The following MGAT4C variants were observed in gnomAD, a reference collection of about 807,000 sequenced individuals.
The protein encoded by MGAT4C is alpha-1,3-mannosyl-glycoprotein 4-beta-N-acetylglucosaminyltransferase C.
MGAT4C carries 19 observed loss-of-function variants against 40.1 expected under a neutral mutation model. The ratio of observed to expected loss-of-function variants is 0.47; its 90% confidence interval spans 0.33 to 0.70. MGAT4C has a LOEUF of 0.70. Among genes scored for constraint, MGAT4C ranks in the 30% least tolerant of loss-of-function variants. MGAT4C has a pLI of 0.02. For synonymous variants in MGAT4C, 181 were observed against 187.1 expected (o/e 0.97, Z 0.27); for missense variants, 491 against 563.2 (o/e 0.87, Z 1.30).
chr12:86,322,564 G>A (rs922169831), intron 4 of MGAT4C, among the ~76,000 whole-genome samples: 3 of 151,874 alleles, frequency 2.0e-5, no homozygotes, highest in Non-Finnish European at 4.4e-5. Flanking sequence ...AGAAAAAAAT[G>A]AATTTAGAGG....
intron 1 of MGAT4C, among the ~76,000 whole-genome samples, chr12:86,103,876 T>A (rs979789122): frequency 3.3e-5 from 5 of 152,166 alleles, no homozygotes; most frequent in Non-Finnish European, 5.9e-5. Context: ...TAGAAGTTAG[T>A]TATGCCAGCC....
chr12:86,209,704 T>C (rs1950385756), intron 1 of MGAT4C, among the ~76,000 whole-genome samples: 2 of 152,248 alleles, frequency 1.3e-5, no homozygotes, highest in Middle Eastern at 3.4e-3. Flanking sequence ...GGCCTAGTCA[T>C]TAAAGAGGAA....
chr12:86,756,568 A>G (rs1951307364), intron 1 of MGAT4C, among the ~76,000 whole-genome samples: 2 of 152,130 alleles, frequency 1.3e-5, no homozygotes, highest in Admixed American at 1.3e-4. Context: ...CCACTCTATC[A>G]AGTATAAACT....
At chr12:86,211,212 G>A (rs1473048968) in intron 1 of MGAT4C, among the ~76,000 whole-genome samples, 2 of 146,320 alleles carry the variant, frequency 1.4e-5, no homozygotes, top group Admixed American at 6.7e-5. Context: ...GCACATATTG[G>A]AATATATGCA....
chr12:86,630,922 A>G (rs1330837911), intron 2 of MGAT4C, among the ~76,000 whole-genome samples: 3 of 152,162 alleles, frequency 2.0e-5, no homozygotes, highest in African/African-American at 7.2e-5. Flanking sequence ...GGCAAGAGAA[A>G]GAAATAAAGC....
rs140588091 is a variant in MGAT4C at position 86,367,723 on chromosome 12, C to A, written c.-119-33596G>T. Among the ~76,000 whole-genome samples, 728 of 152,242 alleles carry A rather than the reference C, an allele frequency of 4.8e-3. 8 individuals are homozygous for A. Among genetic ancestry groups the A allele is most frequent in the African/African-American group, 0.016 (682 of 41,556 alleles). On this transcript the variant is annotated intron_variant, in intron 3 of 7. Transcript: ENST00000548651. Reference sequence around the variant, plus strand: ...CTGAGGCAGGAGAATGGCGTGAATCCTGGAGGCAGAGCTTGCAGTGAAGCC... The same window carrying A: ...CTGAGGCAGGAGAATGGCGTGAATCATGGAGGCAGAGCTTGCAGTGAAGCC...
chr12:86,342,352 C>T (rs942894259), intron 3 of MGAT4C, among the ~76,000 whole-genome samples: 3 of 152,078 alleles, frequency 2.0e-5, no homozygotes, highest in Non-Finnish European at 4.4e-5. Context: ...GTACTCCAGC[C>T]ACCCCTGAAG....
At chr12:86,175,442 C>G (rs1887293577) in intron 1 of MGAT4C, among the ~76,000 whole-genome samples, 1 of 152,088 alleles carries the variant, frequency 6.6e-6, no homozygotes, top group African/African-American at 2.4e-5. Flanking sequence ...TATTTCAGAA[C>G]CTCATCAGTT....
chr12:86,120,700 A>G (rs1204704903), intron 1 of MGAT4C, among the ~76,000 whole-genome samples: 1 of 152,190 alleles, frequency 6.6e-6, no homozygotes, highest in Non-Finnish European at 1.5e-5. Context: ...AAGGAAAACT[A>G]ACAAACAGAA....
intron 1 of MGAT4C, among the ~76,000 whole-genome samples, chr12:86,221,678 AGGC>A (rs1374976842): frequency 6.6e-6 from 1 of 152,186 alleles, no homozygotes; most frequent in Non-Finnish European, 1.5e-5. Flanking sequence ...AGCCAATTAC[AGGC>A]TGTCACTGAT....
At chr12:86,699,128 C>T (rs146585060) in intron 2 of MGAT4C, among the ~76,000 whole-genome samples, 20 of 152,194 alleles carry the variant, frequency 1.3e-4, no homozygotes, top group African/African-American at 4.6e-4. Flanking sequence ...TACAGAAGGA[C>T]ATTTTAATTC....
intron 1 of MGAT4C, among the ~76,000 whole-genome samples, chr12:86,064,189 T>A (rs1189244192): frequency 6.6e-6 from 1 of 152,134 alleles, no homozygotes; most frequent in Non-Finnish European, 1.5e-5. Flanking sequence ...ATGGAAATCA[T>A]AACAAACAGT....
intron 3 of MGAT4C, among the ~76,000 whole-genome samples, chr12:86,377,520 A>G (rs1356181637): frequency 6.6e-6 from 1 of 152,198 alleles, no homozygotes; most frequent in Non-Finnish European, 1.5e-5. Flanking sequence ...GTTGTGTTCA[A>G]TGCTTTAATC....
chr12:86,643,981 T>C (rs1963465549), intron 2 of MGAT4C, among the ~76,000 whole-genome samples: 1 of 151,764 alleles, frequency 6.6e-6, no homozygotes, highest in Admixed American at 6.6e-5. Flanking sequence ...ATAGGTGGAA[T>C]TTAAGGTTAA....
intron 2 of MGAT4C, among the ~76,000 whole-genome samples, chr12:85,997,678 C>G (rs1347559476): frequency 6.6e-6 from 1 of 152,208 alleles, no homozygotes; most frequent in Non-Finnish European, 1.5e-5. Context: ...CCAAAATTAT[C>G]TCCTTTGACT....
At chr12:86,804,339 C>T (rs1593222933) in intron 1 of MGAT4C, among the ~76,000 whole-genome samples, 3 of 146,152 alleles carry the variant, frequency 2.1e-5, no homozygotes, top group African/African-American at 7.5e-5. Flanking sequence ...GTGGGTGCAG[C>T]GCACCAGCAC....
chr12:86,463,122 G>C (rs1031133248), intron 2 of MGAT4C, among the ~76,000 whole-genome samples: 4 of 151,928 alleles, frequency 2.6e-5, no homozygotes, highest in African/African-American at 9.7e-5. Flanking sequence ...AGCCCAGCCG[G>C]GACACCCTGT....
chr12:86,450,823 C>T (rs908563590), intron 2 of MGAT4C, among the ~76,000 whole-genome samples: 7 of 151,900 alleles, frequency 4.6e-5, no homozygotes, highest in African/African-American at 7.3e-5. Context: ...CTTACATACA[C>T]GTTTGTATAC....
At chr12:86,722,103 C>A (rs1402032727) in intron 2 of MGAT4C, among the ~76,000 whole-genome samples, 1 of 152,046 alleles carries the variant, frequency 6.6e-6, no homozygotes, top group Non-Finnish European at 1.5e-5. Context: ...CACTTCAGCA[C>A]TTTTCAGTCA....
Sources: allele counts gnomAD v4.1 joint callset (sites outside exome capture counted in the v4.1 genomes callset), GRCh38; gene constraint gnomAD v4.1.1; transcripts MANE v1.5; gene names NCBI Gene and HGNC (gene_info 2026-07-23, HGNC 2026-07-21).